SLC36A1: variants seen among roughly 807,000 people sequenced by gnomAD.
SLC36A1 encodes the protein solute carrier family 36 member 1.
SLC36A1 carries 30 observed loss-of-function variants against 47.5 expected under a neutral mutation model. The ratio of observed to expected loss-of-function variants is 0.63; its 90% CI spans 0.47 to 0.86. The LOEUF (loss-of-function observed/expected upper bound fraction) is 0.86, where lower values mean the gene tolerates loss of function less well. Among genes scored for constraint, SLC36A1 ranks in the 40% least tolerant of loss-of-function variants. SLC36A1 has a pLI of 0.00. For synonymous variants in SLC36A1, 255 were observed against 249.7 expected (o/e 1.02, Z -0.20); for missense variants, 517 against 606.0 (o/e 0.85, Z 1.54).
At chr5:151,528,067 G>T in the SLC36A1 span, 1 of 1,614,208 alleles carries the variant, frequency 6.2e-7, no homozygotes, top group Non-Finnish European at 8.5e-7. Context: ...TGCCCAAGCT[G>T]GTTCCCTCCT....
At chr5:151,464,660 C>T (rs1419152678) in intron 4 of SLC36A1, 58 bp downstream of exon 4, 1 of 1,470,054 alleles carries the variant, frequency 6.8e-7, no homozygotes, top group African/African-American at 1.4e-5. Flanking sequence ...GTTCTGTTAT[C>T]AACCCTGAAA....
At chr5:151,550,319 C>T in the SLC36A1 span, among the ~76,000 whole-genome samples, 1 of 152,186 alleles carries the variant, frequency 6.6e-6, no homozygotes, top group Admixed American at 6.5e-5. Flanking sequence ...CATGAAGTCA[C>T]TGAGCAGGGA....
At chr5:151,485,613 T>G (rs1449526658) in intron 10 of SLC36A1, among the ~76,000 whole-genome samples, 16 of 152,176 alleles carry the variant, frequency 1.1e-4, no homozygotes, top group Admixed American at 1.0e-3. Context: ...GGGCTTGAGG[T>G]CCTGGATCCT....
the SLC36A1 span, among the ~76,000 whole-genome samples, chr5:151,355,882 G>A: frequency 6.6e-6 from 1 of 152,198 alleles, no homozygotes; most frequent in African/African-American, 2.4e-5. Flanking sequence ...GTATATGCTT[G>A]AGAAAGATCT....
At chr5:151,385,009 A>AGAGAGAGAGTGTGTGTGTGTGT in the SLC36A1 span, among the ~76,000 whole-genome samples, 27 of 128,506 alleles carry the variant, frequency 2.1e-4, no homozygotes, top group African/African-American at 5.4e-4. Flanking sequence ...AGAGAGAGAG[A>AGAGAGAGAGTGTGTGTGTGTGT]GTGTGTGTGT....
intron 2 of SLC36A1, among the ~76,000 whole-genome samples, chr5:151,461,154 AT>A (rs3086279): frequency 0.052 from 6,504 of 125,476 alleles, 452 homozygotes; most frequent in African/African-American, 0.17. Context: ...TACTTTTTGT[AT>A]TTTTTTTTTT....
intron 10 of SLC36A1, among the ~76,000 whole-genome samples, chr5:151,483,928 A>G (rs1460033692): frequency 6.6e-6 from 1 of 152,238 alleles, no homozygotes; most frequent in Non-Finnish European, 1.5e-5. Context: ...CCTGGCTTTA[A>G]GAGGAGAGAA....
intron 9 of SLC36A1, among the ~76,000 whole-genome samples, chr5:151,478,864 G>C (rs1246574588): frequency 2.0e-5 from 3 of 151,860 alleles, no homozygotes; most frequent in Non-Finnish European, 4.4e-5. Flanking sequence ...CACTCTGTAG[G>C]TACTGTATTG....
At chr5:151,454,083 ATTTTTTTTTTT>A (rs35097474) in intron 1 of SLC36A1, among the ~76,000 whole-genome samples, 7 of 88,106 alleles carry the variant, frequency 7.9e-5, no homozygotes, top group Non-Finnish European at 1.5e-4. Flanking sequence ...GTACACTTAA[ATTTTTTTTTTT>A]TTTTTTTTTT....
the SLC36A1 span, among the ~76,000 whole-genome samples, chr5:151,428,059 C>T: frequency 4.7e-4 from 71 of 152,320 alleles, no homozygotes; most frequent in East Asian, 0.011. Context: ...AGGCTTCAGC[C>T]TCCCGATTGT....
intron 1 of SLC36A1, among the ~76,000 whole-genome samples, chr5:151,454,781 C>G (rs1194964185): frequency 7.1e-6 from 1 of 141,048 alleles, no homozygotes; most frequent in African/African-American, 2.7e-5. Context: ...GGCGCGATCT[C>G]GGCTCACTGC....
the SLC36A1 span, among the ~76,000 whole-genome samples, chr5:151,393,353 T>A: frequency 3.9e-5 from 6 of 152,214 alleles, no homozygotes; most frequent in Non-Finnish European, 7.3e-5. Flanking sequence ...TGACTCTTTA[T>A]CCAATTTGCC....
intron 1 of SLC36A1, among the ~76,000 whole-genome samples, chr5:151,458,330 A>AAATACACTTG (rs1561738018): frequency 1.0e-5 from 1 of 96,824 alleles, no homozygotes; most frequent in African/African-American, 3.6e-5. Context: ...ATATATATAT[A>AAATACACTTG]TATGGGATAT....
At chr5:151,466,328 T>C (rs1200965386) in intron 5 of SLC36A1, among the ~76,000 whole-genome samples, 5 of 152,242 alleles carry the variant, frequency 3.3e-5, no homozygotes, top group Non-Finnish European at 7.3e-5. Context: ...GGTAGCCTTT[T>C]GGAATTTGCT....
chr5:151,413,126 G>T, the SLC36A1 span, among the ~76,000 whole-genome samples: 2 of 151,550 alleles, frequency 1.3e-5, no homozygotes, highest in Non-Finnish European at 2.9e-5. Context: ...ACAGTGGCCA[G>T]CTCAAGGATA....
At chr5:151,515,780 C>G in the SLC36A1 span, among the ~76,000 whole-genome samples, 1 of 152,352 alleles carries the variant, frequency 6.6e-6, no homozygotes, top group Admixed American at 6.5e-5. Flanking sequence ...GGCCTCCTGA[C>G]TGGGTCTCTC....
upstream of SLC36A1, among the ~76,000 whole-genome samples, chr5:151,433,749 C>T (rs558141115): frequency 6.6e-6 from 1 of 152,010 alleles, no homozygotes; most frequent in East Asian, 1.9e-4. Context: ...TTTGCTCAAC[C>T]CAGTGAAGTT....
At chr5:151,432,015 A>T in the SLC36A1 span, among the ~76,000 whole-genome samples, 33 of 152,118 alleles carry the variant, frequency 2.2e-4, no homozygotes, top group Non-Finnish European at 4.3e-4. Context: ...GCATGAATGG[A>T]TGGATAAATG....
the SLC36A1 span, among the ~76,000 whole-genome samples, chr5:151,406,965 T>C: frequency 1.3e-5 from 2 of 152,218 alleles, no homozygotes; most frequent in African/African-American, 4.8e-5. Flanking sequence ...GTTCGTGGTC[T>C]TGCTGACTTC....
Sources: gnomAD v4.1 joint callset for allele counts (sites outside exome capture counted in the v4.1 genomes callset) on GRCh38, gnomAD v4.1.1 for gene constraint, MANE v1.5 for transcripts, NCBI Gene and HGNC (gene_info 2026-07-23, HGNC 2026-07-21) for gene names.